PTPRD: variants seen among roughly 807,000 people sequenced by gnomAD.
PTPRD encodes the protein protein tyrosine phosphatase receptor type D, also known as receptor-type tyrosine-protein phosphatase delta.
Under a neutral mutation model 214.5 loss-of-function variants are expected in PTPRD, and 34 were observed. That is an observed-to-expected ratio of 0.16 (90% confidence interval 0.12 to 0.21). The LOEUF (loss-of-function observed/expected upper bound fraction) is 0.21, where lower values mean the gene tolerates loss of function less well. Among genes scored for constraint, PTPRD ranks in the 10% least tolerant of loss-of-function variants. The pLI is 1.00. For synonymous variants in PTPRD, 1,128 were observed against 845.7 expected (o/e 1.33, Z -5.79); for missense variants, 2,545 against 2,398.7 (o/e 1.06, Z -1.27).
chr9:8,800,346 G>T (rs561947716), intron 11 of PTPRD, among the ~76,000 whole-genome samples: 31 of 152,116 alleles, frequency 2.0e-4, no homozygotes, highest in Non-Finnish European at 4.0e-4. Context: ...GTAAAACAAT[G>T]CTGAGAACTA....
intron 2 of PTPRD, among the ~76,000 whole-genome samples, chr9:10,366,680 T>C (rs567725426): frequency 8.1e-4 from 123 of 152,308 alleles, no homozygotes; most frequent in African/African-American, 2.8e-3. Flanking sequence ...AGATGAGTGA[T>C]GTAATGAACC....
intron 11 of PTPRD, among the ~76,000 whole-genome samples, chr9:8,746,936 A>G (rs2092887413): frequency 6.6e-6 from 1 of 152,212 alleles, no homozygotes; most frequent in African/African-American, 2.4e-5. Flanking sequence ...TAAAATGAGT[A>G]GGAATAGGTT....
intron 4 of PTPRD, among the ~76,000 whole-genome samples, chr9:9,992,317 G>T (rs928240804): frequency 6.6e-6 from 1 of 152,094 alleles, no homozygotes; most frequent in Non-Finnish European, 1.5e-5. Flanking sequence ...AAAATTCGTG[G>T]TAAAGAAAAA....
chr9:10,608,075 A>T (rs552803677), intron 2 of PTPRD, among the ~76,000 whole-genome samples: 1 of 152,024 alleles, frequency 6.6e-6, no homozygotes, highest in Non-Finnish European at 1.5e-5. Flanking sequence ...AAGGGTTCAA[A>T]TAATTTTTTC....
chr9:8,782,536 G>T (rs1340306757), intron 11 of PTPRD, among the ~76,000 whole-genome samples: 1 of 151,398 alleles, frequency 6.6e-6, no homozygotes, highest in Non-Finnish European at 1.5e-5. Flanking sequence ...AGGTAAATGG[G>T]AAGGGAACCC....
In PTPRD at chr9:8,460,432, A is replaced by G; in HGVS notation, c.3854T>C (p.Ile1285Thr). 1 of 1,612,546 alleles carries G rather than the reference A, an allele frequency of 6.2e-7. No homozygotes were observed. The highest frequency in any genetic ancestry group is 1.3e-5 in the African/African-American group (1 of 74,936). ...CTACCTTTTATAAAGAAGAATAGCA[A>G]TGACAATGCAGATGATAAAGACCAC... is the stretch of plus-strand genomic sequence containing the variant. ...LAVVFIICIVIAILLYKRKRA... is the reference protein window; with the variant it reads ...LAVVFIICIVTAILLYKRKRA... The change falls in exon 33 of 46, where the codon ATT becomes ACT. Residue 1285 changes from isoleucine (I) to threonine (T), a missense_variant. Coordinates refer to ENST00000381196, the MANE Select transcript of PTPRD (RefSeq NM_002839.4).
At chr9:8,369,611 T>A (rs1470966299) in intron 39 of PTPRD, among the ~76,000 whole-genome samples, 1 of 151,882 alleles carries the variant, frequency 6.6e-6, no homozygotes, top group African/African-American at 2.4e-5. Flanking sequence ...AAGCTTATTT[T>A]ATTTTCCTTG....
At chr9:10,174,069 T>C (rs1195005752) in intron 3 of PTPRD, among the ~76,000 whole-genome samples, 1 of 152,154 alleles carries the variant, frequency 6.6e-6, no homozygotes, top group Non-Finnish European at 1.5e-5. Context: ...TTGGCATCAC[T>C]TACTAAATTA....
intron 14 of PTPRD, among the ~76,000 whole-genome samples, chr9:8,584,414 T>C (rs1200641126): frequency 6.6e-6 from 1 of 151,730 alleles, no homozygotes; most frequent in Non-Finnish European, 1.5e-5. Flanking sequence ...TATGTGTGTG[T>C]AGTACATATT....
chr9:9,176,866 G>A (rs192969529), intron 10 of PTPRD, among the ~76,000 whole-genome samples: 12 of 152,108 alleles, frequency 7.9e-5, no homozygotes, highest in East Asian at 7.8e-4. Context: ...TTACTCATGC[G>A]GGGGTATTGT....
chr9:9,281,838 A>C (rs1277426489), intron 9 of PTPRD, among the ~76,000 whole-genome samples: 2 of 151,244 alleles, frequency 1.3e-5, no homozygotes, highest in East Asian at 3.9e-4. Context: ...CAAAAAAAAA[A>C]CTTGAAAGCA....
chr9:8,839,513 T>C (rs2570963), intron 11 of PTPRD, among the ~76,000 whole-genome samples: 118,842 of 151,854 alleles, frequency 0.78, 46,685 homozygotes, highest in Middle Eastern at 0.89. Flanking sequence ...TTAGTAGAGA[T>C]GAGGTTTCAT....
intron 13 of PTPRD, among the ~76,000 whole-genome samples, chr9:8,635,647 T>TA (rs1241995539): frequency 6.6e-6 from 1 of 152,144 alleles, no homozygotes; most frequent in Admixed American, 6.6e-5. Context: ...TTGTAGTTGC[T>TA]ATATTTCTTT....
chr9:8,669,156 A>C (rs534982857), intron 12 of PTPRD, among the ~76,000 whole-genome samples: 41 of 152,312 alleles, frequency 2.7e-4, no homozygotes, highest in Middle Eastern at 3.4e-3. Context: ...GTAGGCAGAC[A>C]GTGGCCTCTT....
At chr9:9,544,297 G>C (rs1245114822) in intron 8 of PTPRD, among the ~76,000 whole-genome samples, 2 of 151,414 alleles carry the variant, frequency 1.3e-5, no homozygotes, top group African/African-American at 4.8e-5. Flanking sequence ...TTAATTAATT[G>C]AATTAAAAGC....
intron 2 of PTPRD, among the ~76,000 whole-genome samples, chr9:10,407,345 T>C (rs1217736732): frequency 1.3e-5 from 2 of 151,600 alleles, no homozygotes; most frequent in African/African-American, 4.8e-5. Context: ...CACACAGATG[T>C]GAATATCTTT....
intron 4 of PTPRD, among the ~76,000 whole-genome samples, chr9:9,948,796 A>G (rs2093110894): frequency 6.6e-6 from 1 of 152,104 alleles, no homozygotes; most frequent in Non-Finnish European, 1.5e-5. Flanking sequence ...ATTAGATCTG[A>G]TCTCAACAGT....
At chr9:10,378,168 G>C (rs2097763887) in intron 2 of PTPRD, among the ~76,000 whole-genome samples, 1 of 151,942 alleles carries the variant, frequency 6.6e-6, no homozygotes, top group East Asian at 1.9e-4. Context: ...ATCAATGATG[G>C]TGAACACCTT....
intron 11 of PTPRD, among the ~76,000 whole-genome samples, chr9:8,990,524 G>A (rs1225479168): frequency 6.6e-6 from 1 of 152,064 alleles, no homozygotes; most frequent in Non-Finnish European, 1.5e-5. Context: ...ACCCTCCCCT[G>A]CCCTCCTGTC....
Sources: gnomAD v4.1 joint callset for allele counts (sites outside exome capture counted in the v4.1 genomes callset) on GRCh38, gnomAD v4.1.1 for gene constraint, MANE v1.5 for transcripts, NCBI Gene and HGNC (gene_info 2026-07-23, HGNC 2026-07-21) for gene names.